The following EDIL3 variants were observed in gnomAD, a reference collection of about 807,000 sequenced individuals.
The protein encoded by EDIL3 is EGF like and discoidin domains 3, also known as EGF-like repeat and discoidin I-like domain-containing protein 3.
Under a neutral mutation model 67.4 loss-of-function variants are expected in EDIL3, and 37 were observed. The ratio of observed to expected loss-of-function variants is 0.55; its 90% CI spans 0.42 to 0.72. EDIL3 has a LOEUF of 0.72. EDIL3 is among the 30% of genes least tolerant of loss of function. The probability of loss-of-function intolerance (pLI) is 0.00; values close to 1 mark genes in which losing one functional copy is unlikely to be tolerated. For missense variants in EDIL3, 527 were observed against 586.3 expected (o/e 0.90, Z 1.04); for synonymous variants, 195 against 196.3 (o/e 0.99, Z 0.05).
chr5:84,086,246 C>G (rs901271271), intron 6 of EDIL3, among the ~76,000 whole-genome samples: 5 of 152,166 alleles, frequency 3.3e-5, no homozygotes, highest in Non-Finnish European at 7.3e-5. Flanking sequence ...CAGTGTCTGC[C>G]CAAACAGCCG....
In EDIL3 at chr5:84,070,606, A is replaced by AGTGTGTGTGT. The variant is rs35930293; in HGVS notation, c.652-4010_652-4001dup. Reference sequence around the variant, plus strand: ...GACATTTAGGGCTACTATGGTTAAGAGTGTGTGTGTGTGTGTGTGTGTGTG... The same window carrying AGTGTGTGTGT: ...GACATTTAGGGCTACTATGGTTAAGAGTGTGTGTGTGTGTGTGTGTGTGTGTGTGTGTGTG... On this transcript the variant is annotated intron_variant, in intron 6 of 10. Coordinates refer to ENST00000296591, the MANE Select transcript of EDIL3 (RefSeq NM_005711.5). 5.9e-3 allele frequency among the ~76,000 whole-genome samples: 848 copies of AGTGTGTGTGT among 144,722 alleles called. 7 individuals carry two copies. Among genetic ancestry groups the AGTGTGTGTGT allele is most frequent in the African/African-American group, 0.017 (676 of 38,882 alleles). 94.9% of individuals were successfully genotyped at this position (144,722 alleles called of 152,430 possible). A position where few individuals can be genotyped will look rare whatever the true frequency, so the allele number is the denominator to read the frequency against.
chr5:84,345,569 C>A (rs2112182436), intron 1 of EDIL3, among the ~76,000 whole-genome samples: 1 of 152,128 alleles, frequency 6.6e-6, no homozygotes, highest in African/African-American at 2.4e-5. Flanking sequence ...AGTAGGGTCC[C>A]CTTAAAAAAA....
At position 83,943,308 on chromosome 5, in the gene EDIL3, T is replaced by G; in HGVS notation, c.*111A>C. On this transcript the variant is annotated 3_prime_UTR_variant, in exon 11 of 11. Coordinates refer to ENST00000296591, the MANE Select transcript of EDIL3 (RefSeq NM_005711.5). Reference sequence around the variant, plus strand: ...TTGCCTACCATAATTTGAGCACTTTTTCATGAAAAAAAAAAAAAAACCATT... The same window carrying G: ...TTGCCTACCATAATTTGAGCACTTTGTCATGAAAAAAAAAAAAAAACCATT... 6.9e-7 allele frequency: 1 copy of G among 1,454,328 alleles called. No homozygotes were observed. The highest frequency in any genetic ancestry group is 1.4e-5 in the African/African-American group (1 of 69,606). The allele number at this position is 1,454,328 out of a possible 1,614,324, so 90.1% of individuals were successfully genotyped here.
intron 3 of EDIL3, among the ~76,000 whole-genome samples, chr5:84,213,558 T>C (rs1744171202): frequency 6.6e-6 from 1 of 152,192 alleles, no homozygotes; most frequent in Non-Finnish European, 1.5e-5. Context: ...CTAGTAAAGC[T>C]TTAAAAGCAA....
intron 3 of EDIL3, among the ~76,000 whole-genome samples, chr5:84,209,355 C>T (rs1176975605): frequency 6.6e-6 from 1 of 151,716 alleles, no homozygotes; most frequent in Admixed American, 6.6e-5. Context: ...TGCACATGTA[C>T]CCTAAAACTT....
chr5:84,173,984 G>A (rs527237679), intron 4 of EDIL3, among the ~76,000 whole-genome samples: 8 of 152,296 alleles, frequency 5.3e-5, no homozygotes, highest in Non-Finnish European at 7.4e-5. Flanking sequence ...TCGTCTGTGC[G>A]TGGGGTTGTG....
chr5:84,247,219 C>T (rs1264351109), intron 2 of EDIL3, among the ~76,000 whole-genome samples: 1 of 152,042 alleles, frequency 6.6e-6, no homozygotes, highest in East Asian at 1.9e-4. Flanking sequence ...GGAAAATAAA[C>T]CACCCCGACA....
intron 1 of EDIL3, among the ~76,000 whole-genome samples, chr5:84,363,131 A>G (rs1747648892): frequency 6.6e-6 from 1 of 152,148 alleles, no homozygotes; most frequent in Non-Finnish European, 1.5e-5. Flanking sequence ...CAGTTCCTAG[A>G]GGGAAAATCT....
At chr5:83,990,138 A>T (rs2112158147) in intron 9 of EDIL3, among the ~76,000 whole-genome samples, 1 of 152,290 alleles carries the variant, frequency 6.6e-6, no homozygotes, top group Admixed American at 6.5e-5. Flanking sequence ...GAGTCACAGA[A>T]ACTGTGATAC....
At chr5:84,230,561 C>T (rs1374685451) in intron 2 of EDIL3, among the ~76,000 whole-genome samples, 1 of 152,098 alleles carries the variant, frequency 6.6e-6, no homozygotes, top group African/African-American at 2.4e-5. Context: ...GCATGTACCA[C>T]CACACCTGGC....
intron 2 of EDIL3, among the ~76,000 whole-genome samples, chr5:84,233,546 C>T (rs1744623443): frequency 6.6e-6 from 1 of 152,130 alleles, no homozygotes; most frequent in Non-Finnish European, 1.5e-5. Context: ...CATTGGGTAT[C>T]TATATCAATG....
intron 9 of EDIL3, among the ~76,000 whole-genome samples, chr5:84,022,082 A>T (rs992414527): frequency 6.6e-6 from 1 of 152,096 alleles, no homozygotes; most frequent in Middle Eastern, 3.4e-3. Flanking sequence ...TATTATCCTG[A>T]TACCAAAACC....
chr5:84,133,088 A>G (rs1022685291), intron 5 of EDIL3, among the ~76,000 whole-genome samples: 3 of 152,152 alleles, frequency 2.0e-5, no homozygotes, highest in Non-Finnish European at 4.4e-5. Flanking sequence ...AGGGAAATGT[A>G]TACAGGTATT....
rs574870059 is a variant in EDIL3 at position 83,983,598 on chromosome 5, T to C, written c.1138-20238A>G. Among the ~76,000 whole-genome samples the C allele has an allele frequency of 4.6e-3, 707 of 152,188 alleles. 3 individuals are homozygous for C. The highest frequency in any genetic ancestry group is 8.0e-3 in the Non-Finnish European group (547 of 67,988). On this transcript the variant is annotated intron_variant, in intron 9 of 10. Coordinates refer to ENST00000296591, the MANE Select transcript of EDIL3 (RefSeq NM_005711.5). ...TGGCAGCATTGTGCAATACAAACTT[T>C]GTCAGGAAAAGATAAAACTTAATGA...
At chr5:83,961,530 TTTTC>T (rs2112127929) in intron 10 of EDIL3, among the ~76,000 whole-genome samples, 1 of 151,388 alleles carries the variant, frequency 6.6e-6, no homozygotes. Context: ...TTAACCATAA[TTTTC>T]TTTATGCTTC....
chr5:84,081,578 CA>C (rs1164164787), intron 6 of EDIL3, among the ~76,000 whole-genome samples: 7 of 152,006 alleles, frequency 4.6e-5, no homozygotes, highest in Non-Finnish European at 7.4e-5. Context: ...TGCACAATCT[CA>C]GGGGCAGTAA....
At chr5:83,965,178 A>G (rs1410494592) in intron 9 of EDIL3, among the ~76,000 whole-genome samples, 1 of 152,088 alleles carries the variant, frequency 6.6e-6, no homozygotes, top group Non-Finnish European at 1.5e-5. Flanking sequence ...TTTTCTCTCA[A>G]TGATTTCTTT....
At chr5:84,311,129 C>T (rs1026633361) in intron 1 of EDIL3, among the ~76,000 whole-genome samples, 6 of 151,752 alleles carry the variant, frequency 4.0e-5, no homozygotes, top group Admixed American at 6.6e-5. Context: ...TGGTTATTTC[C>T]GGTTTTTTAA....
Position 84,142,823 on chromosome 5 carries a change from C to A in EDIL3, c.356-5469G>T, listed in dbSNP as rs556962486. 8.4e-5 allele frequency among the ~76,000 whole-genome samples: 12 copies of A among 143,286 alleles called. 1 individual carries two copies. Among genetic ancestry groups the A allele is most frequent in the South Asian group, 5.0e-4 (2 of 3,984 alleles). 94.0% of individuals were successfully genotyped at this position (143,286 alleles called of 152,430 possible). ...AAGGAGACAATGATAGACGGTGCCC[C>A]CCCCCCCAAGCTTTTTTTTCTTTTG... is the stretch of plus-strand genomic sequence containing the variant. On this transcript the variant is annotated intron_variant, in intron 4 of 10. Coordinates refer to ENST00000296591, the MANE Select transcript of EDIL3 (RefSeq NM_005711.5).
Sources: gnomAD v4.1 joint callset for allele counts (sites outside exome capture counted in the v4.1 genomes callset) on GRCh38, gnomAD v4.1.1 for gene constraint, MANE v1.5 for transcripts, NCBI Gene and HGNC (gene_info 2026-07-23, HGNC 2026-07-21) for gene names.